Variants in ABLIM1 observed in about 807,000 individuals in gnomAD.
ABLIM1 encodes actin-binding LIM protein 1.
ABLIM1 carries 40 observed loss-of-function variants against 107.0 expected under a neutral mutation model. The observed-to-expected ratio is 0.37, with a 90% CI of 0.29 to 0.49. The LOEUF (loss-of-function observed/expected upper bound fraction) is 0.49, where lower values mean the gene tolerates loss of function less well. Among genes scored for constraint, ABLIM1 ranks in the 20% least tolerant of loss-of-function variants. The pLI, the probability that ABLIM1 is intolerant of heterozygous loss-of-function variation, is 0.97. For synonymous variants in ABLIM1, 357 were observed against 357.3 expected (o/e 1.00, Z 0.01); for missense variants, 857 against 1,008.5 (o/e 0.85, Z 2.04).
upstream of ABLIM1, among the ~76,000 whole-genome samples, chr10:114,689,713 CCT>C (rs1491276205): frequency 6.6e-6 from 1 of 151,748 alleles, no homozygotes; most frequent in African/African-American, 2.4e-5. Context: ...TCCTTCCTTT[CCT>C]TTTTTTTTTC....
At chr10:114,522,792 T>C (rs2063955357) in intron 6 of ABLIM1, among the ~76,000 whole-genome samples, 1 of 152,208 alleles carries the variant, frequency 6.6e-6, no homozygotes, top group Non-Finnish European at 1.5e-5. Flanking sequence ...GGCTGCACCT[T>C]AAGCCTCTGC....
intron 6 of ABLIM1, among the ~76,000 whole-genome samples, chr10:114,533,662 T>TTTGTTG (rs370483323): frequency 6.6e-6 from 1 of 151,814 alleles, no homozygotes; most frequent in Non-Finnish European, 1.5e-5. Flanking sequence ...TTATCGTGTT[T>TTTGTTG]TTGTTGTTGT....
intron 8 of ABLIM1, among the ~76,000 whole-genome samples, chr10:114,475,996 T>C (rs2056332690): frequency 6.6e-6 from 1 of 152,250 alleles, no homozygotes; most frequent in South Asian, 2.1e-4. Context: ...AGAAACTCCT[T>C]CAGACAAGGG....
At chr10:114,612,182 G>T (rs148045844) in intron 1 of ABLIM1, among the ~76,000 whole-genome samples, 1 of 152,288 alleles carries the variant, frequency 6.6e-6, no homozygotes, top group Non-Finnish European at 1.5e-5. Flanking sequence ...TTTAAGAGGT[G>T]ATTCAGTCAC....
chr10:114,504,943 T>A (rs2497703), intron 6 of ABLIM1, among the ~76,000 whole-genome samples: 1 of 151,898 alleles, frequency 6.6e-6, no homozygotes, highest in Non-Finnish European at 1.5e-5. Context: ...TCATATGACA[T>A]GGAGAGAGGA....
At chr10:114,699,342 G>T (rs1420122848) in intron 1 of ABLIM1, among the ~76,000 whole-genome samples, 1 of 152,112 alleles carries the variant, frequency 6.6e-6, no homozygotes, top group Non-Finnish European at 1.5e-5. Context: ...CACAGTGTCT[G>T]CTTCTGCAGT....
At chr10:114,622,208 C>A (rs1428149130) in intron 1 of ABLIM1, among the ~76,000 whole-genome samples, 1 of 151,800 alleles carries the variant, frequency 6.6e-6, no homozygotes, top group Non-Finnish European at 1.5e-5. Context: ...CAATGAGGAA[C>A]AACCTTGCCA....
chr10:114,688,433 A>G (rs2080995454), upstream of ABLIM1, among the ~76,000 whole-genome samples: 2 of 152,202 alleles, frequency 1.3e-5, no homozygotes, highest in South Asian at 4.1e-4. Context: ...TACGCCAATC[A>G]TATTCAATTA....
At position 114,436,386 on chromosome 10, in the gene ABLIM1, A is replaced by C. The variant is rs760647195; in HGVS notation, c.2224-13T>G. On this transcript the variant is annotated splice_polypyrimidine_tract_variant and intron_variant, in intron 22 of 22. Transcript: ENST00000533213. ...GGGCTAAGTGGCGCTGGGAAGAAGA[A>C]AAAAAAAAAAGAGCTGCTGTCAGTC... The C allele has an allele frequency of 6.0e-6, 9 of 1,492,500 alleles. No individual in the cohort carries two copies. In the South Asian group the frequency reaches 9.9e-5, roughly 16 times the overall value. 92.5% of individuals were successfully genotyped at this position (1,492,500 alleles called of 1,614,324 possible).
chr10:114,461,497 C>A (rs1377405668), intron 12 of ABLIM1, among the ~76,000 whole-genome samples: 1 of 151,528 alleles, frequency 6.6e-6, no homozygotes, highest in African/African-American at 2.4e-5. Flanking sequence ...AATTTTCCCC[C>A]AAAATACTAA....
intron 8 of ABLIM1, among the ~76,000 whole-genome samples, chr10:114,475,482 TAG>T (rs1366173645): frequency 4.6e-5 from 7 of 152,314 alleles, no homozygotes; most frequent in South Asian, 2.1e-4. Flanking sequence ...TCTGCCCTCA[TAG>T]AGTTTATTTT....
At chr10:114,577,052 A>G (rs1333402445) in intron 2 of ABLIM1, among the ~76,000 whole-genome samples, 1 of 151,992 alleles carries the variant, frequency 6.6e-6, no homozygotes, top group Non-Finnish European at 1.5e-5. Flanking sequence ...TCTGATTGCA[A>G]ATTCCTTCAG....
chr10:114,485,178 A>C, intron 8 of ABLIM1: 1 of 656,954 alleles, frequency 1.5e-6, no homozygotes, highest in Non-Finnish European at 2.4e-6. Flanking sequence ...GTGTGAGAAA[A>C]GCATCTGCTT....
At chr10:114,531,128 A>C (rs929130370) in intron 6 of ABLIM1, among the ~76,000 whole-genome samples, 1 of 152,266 alleles carries the variant, frequency 6.6e-6, no homozygotes, top group African/African-American at 2.4e-5. Context: ...TGTATCTGAA[A>C]TAATCCCATA....
At chr10:114,514,192 G>A (rs1280129563) in intron 6 of ABLIM1, among the ~76,000 whole-genome samples, 1 of 152,040 alleles carries the variant, frequency 6.6e-6, no homozygotes, top group Non-Finnish European at 1.5e-5. Flanking sequence ...GGAAGGCCAA[G>A]GTGGGCGGAT....
At chr10:114,583,462 CACACACATATATATATAT>C (rs1566009544) in intron 2 of ABLIM1, among the ~76,000 whole-genome samples, 51 of 8,976 alleles carry the variant, frequency 5.7e-3, no homozygotes, top group Admixed American at 7.2e-3. Context: ...CACACACACA[CACACACATATATATATAT>C]ATATATATAT....
At chr10:114,597,388 A>G (rs1207563201) in intron 2 of ABLIM1, among the ~76,000 whole-genome samples, 1 of 152,094 alleles carries the variant, frequency 6.6e-6, no homozygotes, top group Non-Finnish European at 1.5e-5. Flanking sequence ...AATAAGTCTG[A>G]AAAATGGCCC....
At chr10:114,439,494 GGC>G in intron 20 of ABLIM1, 1 of 587,582 alleles carries the variant, frequency 1.7e-6, no homozygotes, top group Non-Finnish European at 3.0e-6. Flanking sequence ...TCCTGAATTA[GGC>G]TCCATGAATG....
intron 1 of ABLIM1, among the ~76,000 whole-genome samples, chr10:114,696,390 A>C (rs955619091): frequency 1.3e-5 from 2 of 152,158 alleles, no homozygotes; most frequent in Non-Finnish European, 2.9e-5. Context: ...CACATGGATG[A>C]GCTTCATTGC....
Sources: gnomAD v4.1 joint callset for allele counts (sites outside exome capture counted in the v4.1 genomes callset) on GRCh38, gnomAD v4.1.1 for gene constraint, MANE v1.5 for transcripts, NCBI Gene and HGNC (gene_info 2026-07-23, HGNC 2026-07-21) for gene names.